Variants in SHISA6 observed in about 807,000 individuals in gnomAD.
The protein encoded by SHISA6 is protein shisa-6.
In SHISA6, 22 loss-of-function variants were observed where a neutral mutation model predicts 47.9. That is an observed-to-expected ratio of 0.46 (90% confidence interval 0.33 to 0.66). SHISA6 has a LOEUF of 0.66. Ranked by LOEUF, SHISA6 falls within the 30% of genes least tolerant of loss-of-function variation. The pLI is 0.02. For missense variants in SHISA6, 680 were observed against 764.6 expected (o/e 0.89, Z 1.30); for synonymous variants, 388 against 337.8 (o/e 1.15, Z -1.63).
At chr17:11,335,637 A>G (rs796976634) in intron 2 of SHISA6, among the ~76,000 whole-genome samples, 5 of 152,190 alleles carry the variant, frequency 3.3e-5, no homozygotes, top group African/African-American at 1.2e-4. Flanking sequence ...GCAAAAACCT[A>G]GTGTTTGAAT....
intron 2 of SHISA6, among the ~76,000 whole-genome samples, chr17:11,306,768 C>G (rs1388786867): frequency 6.6e-6 from 1 of 152,208 alleles, no homozygotes; most frequent in African/African-American, 2.4e-5. Context: ...CCTGTCAGTT[C>G]CATGTTCCAG....
At chr17:11,307,225 A>G (rs1910151757) in intron 2 of SHISA6, among the ~76,000 whole-genome samples, 1 of 149,302 alleles carries the variant, frequency 6.7e-6, no homozygotes, top group Non-Finnish European at 1.5e-5. Flanking sequence ...TGTACCAGTT[A>G]GAGTCTAAGT....
intron 2 of SHISA6, among the ~76,000 whole-genome samples, chr17:11,324,524 T>C (rs1910810908): frequency 6.6e-6 from 1 of 152,118 alleles, no homozygotes; most frequent in African/African-American, 2.4e-5. Flanking sequence ...AGAAGCTCTT[T>C]TCCTTCATGG....
intron 3 of SHISA6, among the ~76,000 whole-genome samples, chr17:11,428,269 C>T (rs554452863): frequency 6.6e-6 from 1 of 152,334 alleles, no homozygotes; most frequent in Admixed American, 6.5e-5. Context: ...ACCAAATTGT[C>T]TCTGATCAAA....
At chr17:11,393,144 A>G (rs8078894) in intron 3 of SHISA6, among the ~76,000 whole-genome samples, 2 of 152,172 alleles carry the variant, frequency 1.3e-5, no homozygotes, top group Non-Finnish European at 2.9e-5. Context: ...TTATTGAGGT[A>G]TTGGGCCTTG....
chr17:11,494,055 T>C (rs1454732971), intron 3 of SHISA6, among the ~76,000 whole-genome samples: 2 of 152,164 alleles, frequency 1.3e-5, no homozygotes. Flanking sequence ...GCAGTCCTCA[T>C]TCACATTGTT....
intron 2 of SHISA6, among the ~76,000 whole-genome samples, chr17:11,318,921 G>A (rs1910613285): frequency 6.6e-6 from 1 of 151,996 alleles, no homozygotes; most frequent in African/African-American, 2.4e-5. Flanking sequence ...TATCTGCAGT[G>A]GCTTTTAACT....
At chr17:11,376,215 T>C (rs1912793134) in intron 2 of SHISA6, among the ~76,000 whole-genome samples, 1 of 152,166 alleles carries the variant, frequency 6.6e-6, no homozygotes, top group African/African-American at 2.4e-5. Context: ...CATATAATCA[T>C]GAGTTCATAT....
chr17:11,457,740 C>CAA (rs56835775), intron 3 of SHISA6, among the ~76,000 whole-genome samples: 20,251 of 101,512 alleles, frequency 0.2, 1,900 homozygotes, highest in African/African-American at 0.25. Context: ...GACTCAGTCT[C>CAA]AAAAAAAAAA....
chr17:11,478,955 A>T (rs972549890), intron 3 of SHISA6, among the ~76,000 whole-genome samples: 1 of 152,032 alleles, frequency 6.6e-6, no homozygotes, highest in Non-Finnish European at 1.5e-5. Flanking sequence ...CAATTCTGTG[A>T]AGAAAGTCAT....
At chr17:11,381,921 C>CG (rs1415808472) in intron 3 of SHISA6, among the ~76,000 whole-genome samples, 3 of 152,220 alleles carry the variant, frequency 2.0e-5, no homozygotes, top group Admixed American at 2.0e-4. Context: ...TCTACCAAGG[C>CG]TTCTGACACC....
chr17:11,451,250 T>C (rs1447027053), intron 3 of SHISA6, among the ~76,000 whole-genome samples: 1 of 152,146 alleles, frequency 6.6e-6, no homozygotes, highest in African/African-American at 2.4e-5. Context: ...TCCATATTTT[T>C]CCCTACAATA....
intron 2 of SHISA6, chr17:11,290,808 T>G (rs2142168702): frequency 6.6e-6 from 1 of 152,208 alleles, no homozygotes; most frequent in Middle Eastern, 3.4e-3. Flanking sequence ...TATTGTCAGT[T>G]ACATCCAGGC....
intron 3 of SHISA6, among the ~76,000 whole-genome samples, chr17:11,454,627 C>T (rs1180890935): frequency 1.3e-5 from 2 of 152,218 alleles, no homozygotes; most frequent in Admixed American, 1.3e-4. Context: ...CCTGCCCGCA[C>T]TGTGAAATGC....
At chr17:11,511,595 C>T (rs188109435) in intron 3 of SHISA6, among the ~76,000 whole-genome samples, 2 of 151,384 alleles carry the variant, frequency 1.3e-5, no homozygotes, top group African/African-American at 4.9e-5. Flanking sequence ...ATGCCTGGTT[C>T]AGTTAGTACT....
intron 3 of SHISA6, among the ~76,000 whole-genome samples, chr17:11,466,316 T>C (rs769122153): frequency 6.6e-6 from 1 of 151,852 alleles, no homozygotes; most frequent in Non-Finnish European, 1.5e-5. Context: ...CCATGTGGAG[T>C]GGTCAGGAAG....
chr17:11,351,657 C>T (rs1432624905), intron 2 of SHISA6, among the ~76,000 whole-genome samples: 7 of 152,170 alleles, frequency 4.6e-5, no homozygotes, highest in South Asian at 2.1e-4. Context: ...CTGTGAGATC[C>T]GTGAGAAAAG....
At chr17:11,264,633 A>G (rs1031770906) in intron 2 of SHISA6, among the ~76,000 whole-genome samples, 1 of 152,184 alleles carries the variant, frequency 6.6e-6, no homozygotes, top group Non-Finnish European at 1.5e-5. Context: ...ATTGCTCAAC[A>G]GTTTTCAGAG....
At chr17:11,516,268 G>A (rs1300735942) in intron 3 of SHISA6, among the ~76,000 whole-genome samples, 1 of 152,170 alleles carries the variant, frequency 6.6e-6, no homozygotes. Flanking sequence ...CCTAACCGTT[G>A]GGGGCAGATG....
Sources: gnomAD v4.1 joint callset for allele counts (sites outside exome capture counted in the v4.1 genomes callset) on GRCh38, gnomAD v4.1.1 for gene constraint, MANE v1.5 for transcripts, NCBI Gene and HGNC (gene_info 2026-07-23, HGNC 2026-07-21) for gene names.